Variants in NKX2-2 observed in about 807,000 individuals in gnomAD.
NKX2-2 encodes NK2 homeobox 2, also known as homeobox protein Nkx-2.2.
In NKX2-2, 8 loss-of-function variants were observed where a neutral mutation model predicts 24.6. The observed-to-expected ratio is 0.32, with a 90% CI of 0.19 to 0.59. NKX2-2 has a LOEUF of 0.59. NKX2-2 is among the 20% of genes least tolerant of loss of function. The pLI is 0.86. For synonymous variants in NKX2-2, 217 were observed against 173.3 expected (o/e 1.25, Z -1.98); for missense variants, 381 against 373.9 (o/e 1.02, Z -0.16).
At chr20:21,522,287 G>A in the NKX2-2 span, among the ~76,000 whole-genome samples, 4 of 152,202 alleles carry the variant, frequency 2.6e-5, no homozygotes. Flanking sequence ...TCATAACCGG[G>A]GTCCGCCGTG....
rs143227190 is a variant in NKX2-2, at chr20:21,513,434, C to T, written c.236G>A (p.Ser79Asn). The stretch of plus-strand genomic sequence containing the variant: ...ACGGGAGTACTGAAGGCCCTCGGTG[C>T]TGGCCAGCCAGCGCGTGTACGGGTT... Reference protein sequence around the residue: ...SDNPYTRWLASTEGLQYSLHG... With the variant: ...SDNPYTRWLANTEGLQYSLHG... The change falls in exon 1 of 2, where the codon AGC (serine) becomes AAC (asparagine). Residue 79 changes from serine (S) to asparagine (N), a missense_variant. Physicochemically the swap from Ser to Asn is conservative, Grantham distance 46. Transcript: ENST00000377142. The surrounding 1 kb of genome is among the most constrained non-coding windows in gnomAD (Gnocchi z 4.6). 1.3e-6 allele frequency: 2 copies of T among 1,590,388 alleles called. No individual in the cohort carries two copies. The highest frequency in any genetic ancestry group is 1.7e-6 in the Non-Finnish European group (2 of 1,168,284).
At chr20:21,512,709 C>A (rs976730099) in intron 1 of NKX2-2, among the ~76,000 whole-genome samples, 2 of 151,874 alleles carry the variant, frequency 1.3e-5, no homozygotes, top group African/African-American at 4.8e-5. Context: ...GCTAGGGGCT[C>A]GCCTTTCAAG....
chr20:21,521,409 G>C, the NKX2-2 span, among the ~76,000 whole-genome samples: 1 of 152,252 alleles, frequency 6.6e-6, no homozygotes, highest in East Asian at 1.9e-4. Flanking sequence ...AACGAGAACT[G>C]TCCGGCGCCG....
rs978359067 is a variant in NKX2-2 at position 21,513,341 on chromosome 20, C to T, written c.259+70G>A. ...TGGCCCCTTCCCCTTTCACTCCCAG[C>T]GTCCAACCCGGGCTGCGGCTGCAGG... On this transcript the variant is annotated intron_variant, in intron 1 of 1. Coordinates refer to ENST00000377142, the MANE Select transcript of NKX2-2 (RefSeq NM_002509.4). The surrounding 1 kb of genome is among the most constrained non-coding windows in gnomAD (Gnocchi z 4.6). 4 of 1,459,834 alleles carry T rather than the reference C, an allele frequency of 2.7e-6. No homozygotes were observed. Among genetic ancestry groups the T allele is most frequent in the African/African-American group, 2.9e-5 (2 of 69,246 alleles). 90.4% of individuals were successfully genotyped at this position (1,459,834 alleles called of 1,614,324 possible). A position where few individuals can be genotyped will look rare whatever the true frequency, so the allele number is the denominator to read the frequency against.
chr20:21,519,715 C>T, the NKX2-2 span, among the ~76,000 whole-genome samples: 1 of 152,214 alleles, frequency 6.6e-6, no homozygotes, highest in African/African-American at 2.4e-5. Flanking sequence ...GGGACCTTTG[C>T]TAACCAGAAA....
the NKX2-2 span, among the ~76,000 whole-genome samples, chr20:21,522,372 C>T: frequency 6.6e-6 from 1 of 152,182 alleles, no homozygotes; most frequent in Non-Finnish European, 1.5e-5. Context: ...CCGCGGTGAC[C>T]GTGCCCGGAG....
chr20:21,514,441 C>A (rs1444416981), upstream of NKX2-2, among the ~76,000 whole-genome samples: 1 of 148,548 alleles, frequency 6.7e-6, no homozygotes, highest in Non-Finnish European at 1.5e-5. Flanking sequence ...AAAGGGCCAC[C>A]GCGTCGCTCG....
chr20:21,512,398 T>C lies in NKX2-2; in HGVS notation c.347A>G (p.Lys116Arg), dbSNP rs1269650955. Residue 116 changes from lysine to arginine, a missense_variant, in exon 2 of 2, where the codon AAG becomes AGG. Transcript: ENST00000377142. ...PSADESPDND[K>R]ETPGGGGDAG... is the part of the protein sequence containing the mutation. ...GTCCCCCCCGCCGCCCGGGGTCTCC[T>C]TGTCATTGTCCGGTGACTCGTCGGC... 3 of 1,599,764 alleles carry C rather than the reference T, an allele frequency of 1.9e-6. No homozygotes were observed. In the African/African-American group the frequency reaches 4.0e-5, roughly 21 times the overall value.
Position 21,513,471 on chromosome 20 carries a change from C to G in NKX2-2, c.199G>C (p.Asp67His), listed in dbSNP as rs749945458. Residue 67 changes from aspartate to histidine, a missense_variant, in exon 1 of 2, where the codon GAC becomes CAC. This residue lies in a region of NKX2-2 where 206 missense variants were observed against 173.1 expected (regional missense o/e 1.19). Coordinates refer to ENST00000377142, the MANE Select transcript of NKX2-2 (RefSeq NM_002509.4). This position sits in a 1 kb window ranked among gnomAD's most constrained non-coding sequence, Gnocchi z 4.6. ...CGCGTGTACGGGTTGTCGCTGCTGT[C>G]GTAGAAGGGGTTCTTCAGGGGCAGG... is the stretch of plus-strand genomic sequence containing the variant. Reference protein sequence around the residue: ...QSLPLKNPFYDSSDNPYTRWL... With the variant: ...QSLPLKNPFYHSSDNPYTRWL... 1.9e-6 allele frequency: 3 copies of G among 1,608,656 alleles called. No homozygotes were observed. Among genetic ancestry groups the G allele is most frequent in the East Asian group, 2.3e-5 (1 of 44,346 alleles).
chr20:21,517,077 G>A (rs925660473), upstream of NKX2-2, among the ~76,000 whole-genome samples: 1 of 152,188 alleles, frequency 6.6e-6, no homozygotes, highest in Non-Finnish European at 1.5e-5. Flanking sequence ...AATTAATCAC[G>A]GGGAGGGAGT....
chr20:21,514,665 G>T (rs976682435), upstream of NKX2-2, among the ~76,000 whole-genome samples: 4 of 152,344 alleles, frequency 2.6e-5, no homozygotes, highest in South Asian at 8.3e-4. Context: ...GGGGGAGGGG[G>T]CGAAGGCCGA....
chr20:21,516,390 CTTTT>C (rs5840920), upstream of NKX2-2, among the ~76,000 whole-genome samples: 1 of 134,952 alleles, frequency 7.4e-6, no homozygotes, highest in Non-Finnish European at 1.6e-5. Context: ...ACTTTTCGTG[CTTTT>C]TTTTTTTTTT....
chr20:21,521,184 G>A, the NKX2-2 span, among the ~76,000 whole-genome samples: 1 of 151,990 alleles, frequency 6.6e-6, no homozygotes, highest in Non-Finnish European at 1.5e-5. Flanking sequence ...TCCAATGTGA[G>A]CCCCAGAGGT....
At chr20:21,517,501 G>A (rs1025591835), upstream of NKX2-2, among the ~76,000 whole-genome samples, 1 of 152,204 alleles carries the variant, frequency 6.6e-6, no homozygotes, top group Non-Finnish European at 1.5e-5. Flanking sequence ...GTTAACATTT[G>A]CAATTGAAAA....
At chr20:21,520,941 T>TA in the NKX2-2 span, among the ~76,000 whole-genome samples, 8 of 152,254 alleles carry the variant, frequency 5.3e-5, no homozygotes, top group Non-Finnish European at 1.0e-4. Context: ...ATTTACTTCT[T>TA]AACACGTGAC....
chr20:21,513,454 C>G lies in NKX2-2; in HGVS notation c.216G>C (p.Pro72=), dbSNP rs752976609. The change falls in exon 1 of 2, where the codon CCG becomes CCC. Residue 72 remains proline, a synonymous_variant. Transcript: ENST00000377142. This position sits in a 1 kb window ranked among gnomAD's most constrained non-coding sequence, Gnocchi z 4.6. The part of the protein sequence containing the change: ...KNPFYDSSDN[P]YTRWLASTEG... ...CGGTGCTGGCCAGCCAGCGCGTGTA[C>G]GGGTTGTCGCTGCTGTCGTAGAAGG... 1 of 1,601,612 alleles carries G rather than the reference C, an allele frequency of 6.2e-7. No homozygotes were observed. The highest frequency in any genetic ancestry group is 8.5e-7 in the Non-Finnish European group (1 of 1,174,098).
chr20:21,517,628 C>T (rs1051189889), upstream of NKX2-2, among the ~76,000 whole-genome samples: 2 of 152,246 alleles, frequency 1.3e-5, no homozygotes, highest in Admixed American at 1.3e-4. Flanking sequence ...GAGGCCTGCG[C>T]AGGCCCAGCT....
At chr20:21,517,642 G>T (rs1281139220), upstream of NKX2-2, among the ~76,000 whole-genome samples, 1 of 152,180 alleles carries the variant, frequency 6.6e-6, no homozygotes, top group African/African-American at 2.4e-5. Context: ...CCCAGCTGGC[G>T]GCCAGGGCAA....
At chr20:21,512,677 A>G (rs1455035316) in intron 1 of NKX2-2, among the ~76,000 whole-genome samples, 192 bp from the exon 2 acceptor site, 1 of 151,744 alleles carries the variant, frequency 6.6e-6, no homozygotes, top group Non-Finnish European at 1.5e-5. Context: ...CAGGGTAAAG[A>G]GGGAAATCCG....
Sources: gnomAD v4.1 joint callset for allele counts (sites outside exome capture counted in the v4.1 genomes callset) on GRCh38, gnomAD v4.1.1 for gene constraint, gnomAD v4.1.1 regional missense constraint, Gnocchi (gnomAD v3.1) non-coding constraint, MANE v1.5 for transcripts, NCBI Gene and HGNC (gene_info 2026-07-23, HGNC 2026-07-21) for gene names.